Variants in NBAS observed in about 807,000 individuals in gnomAD.
The protein encoded by NBAS is NBAS subunit of NRZ tethering complex.
In NBAS, 219 loss-of-function variants were observed where a neutral mutation model predicts 302.5. The ratio of observed to expected loss-of-function variants is 0.72; its 90% CI spans 0.65 to 0.81. NBAS has a LOEUF of 0.81. Among genes scored for constraint, NBAS ranks in the 30% least tolerant of loss-of-function variants. NBAS has a pLI of 0.00. For missense variants in NBAS, 2,932 were observed against 2,841.6 expected (o/e 1.03, Z -0.72); for synonymous variants, 1,118 against 1,021.6 (o/e 1.09, Z -1.80).
chr2:15,333,806 A>AT (rs1410409776), intron 35 of NBAS, among the ~76,000 whole-genome samples: 1 of 150,898 alleles, frequency 6.6e-6, no homozygotes, highest in Non-Finnish European at 1.5e-5. Context: ...ATAAACTATA[A>AT]TTGTTTGTGA....
chr2:15,377,078 A>G (rs1359197962), intron 30 of NBAS, among the ~76,000 whole-genome samples: 1 of 152,162 alleles, frequency 6.6e-6, no homozygotes, highest in East Asian at 1.9e-4. Flanking sequence ...CCACAATTTT[A>G]AAAAAATTCT....
Position 15,275,676 on chromosome 2 carries a change from G to A in NBAS, c.5532C>T (p.Ser1844=), listed in dbSNP as rs1669543521. The A allele has an allele frequency of 6.2e-7, 1 of 1,614,214 alleles. No individual in the cohort carries two copies. The highest frequency in any genetic ancestry group is 1.1e-5 in the South Asian group (1 of 91,082). ...TCTGTAACCAGATGGTGTACAGAGAGCTTGGGGAAAGCATCTGTCCATCCT... is the reference window on the plus strand; with the variant it reads ...TCTGTAACCAGATGGTGTACAGAGAACTTGGGGAAAGCATCTGTCCATCCT... ...PEKDGQMLSP[S]SLYTIWLQKL... The change falls in exon 44 of 52, where the codon AGC becomes AGT. Residue 1844 remains serine, a synonymous_variant. Transcript: ENST00000281513.
At chr2:15,121,807 T>A in the NBAS span, among the ~76,000 whole-genome samples, 1 of 152,190 alleles carries the variant, frequency 6.6e-6, no homozygotes, top group Admixed American at 6.5e-5. Flanking sequence ...GTTATTAAGT[T>A]CATTAATAGG....
At chr2:15,273,598 GTAA>G (rs1381749701) in intron 44 of NBAS, among the ~76,000 whole-genome samples, 1 of 152,158 alleles carries the variant, frequency 6.6e-6, no homozygotes. Context: ...TAAAACTAGG[GTAA>G]TAATATTATC....
At chr2:15,257,729 A>G (rs965064576) in intron 44 of NBAS, among the ~76,000 whole-genome samples, 2 of 152,184 alleles carry the variant, frequency 1.3e-5, no homozygotes, top group African/African-American at 4.8e-5. Flanking sequence ...GTCTGCTGAT[A>G]AATCATTAAA....
At chr2:15,319,986 C>T (rs758673884) in intron 38 of NBAS, among the ~76,000 whole-genome samples, 36 of 151,994 alleles carry the variant, frequency 2.4e-4, no homozygotes, top group African/African-American at 2.7e-4. Context: ...AACATTGATG[C>T]GAAAGTCCTC....
chr2:15,255,637 G>T (rs538984811), intron 44 of NBAS, among the ~76,000 whole-genome samples: 8 of 152,280 alleles, frequency 5.3e-5, no homozygotes, highest in African/African-American at 1.9e-4. Flanking sequence ...CCAATGTCTA[G>T]AAGAGTTTTT....
chr2:14,973,163 G>A, the NBAS span, among the ~76,000 whole-genome samples: 60 of 152,256 alleles, frequency 3.9e-4, no homozygotes, highest in African/African-American at 1.4e-3. Context: ...GGGGAATTTC[G>A]GAAGCCCCAG....
the NBAS span, among the ~76,000 whole-genome samples, chr2:15,049,896 C>A: frequency 8.5e-5 from 13 of 152,230 alleles, no homozygotes; most frequent in African/African-American, 3.1e-4. Flanking sequence ...AGCTGGAACA[C>A]AGCTTTGTCC....
the NBAS span, among the ~76,000 whole-genome samples, chr2:14,884,400 A>C: frequency 6.6e-6 from 1 of 152,186 alleles, no homozygotes; most frequent in African/African-American, 2.4e-5. Context: ...GACTTTTCAC[A>C]GCACACTCAT....
chr2:15,187,059 T>C (rs903968231), intron 49 of NBAS, among the ~76,000 whole-genome samples, 179 bp from the exon 50 acceptor site: 1 of 152,064 alleles, frequency 6.6e-6, no homozygotes, highest in Non-Finnish European at 1.5e-5. Context: ...CAGCTTCCTG[T>C]GGTATCAGCA....
At chr2:14,952,089 C>T in the NBAS span, among the ~76,000 whole-genome samples, 1 of 152,174 alleles carries the variant, frequency 6.6e-6, no homozygotes, top group South Asian at 2.1e-4. Flanking sequence ...CAGAAAGGAC[C>T]CTGCCTCCCC....
the NBAS span, among the ~76,000 whole-genome samples, chr2:15,078,721 TA>T: frequency 1.3e-5 from 2 of 152,154 alleles, no homozygotes; most frequent in African/African-American, 2.4e-5. Flanking sequence ...CTTGGCACTG[TA>T]AAAAAATTTC....
At chr2:15,453,874 G>A (rs1448638769) in intron 21 of NBAS, among the ~76,000 whole-genome samples, 1 of 151,990 alleles carries the variant, frequency 6.6e-6, no homozygotes, top group African/African-American at 2.4e-5. Context: ...CACCTCCTGG[G>A]GTCAAGCGAT....
chr2:15,294,542 A>G (rs1670459491), intron 40 of NBAS, among the ~76,000 whole-genome samples: 1 of 152,142 alleles, frequency 6.6e-6, no homozygotes, highest in South Asian at 2.1e-4. Flanking sequence ...CCCTCAGGGC[A>G]CCATCCTGAA....
the NBAS span, among the ~76,000 whole-genome samples, chr2:15,041,940 C>A: frequency 6.6e-6 from 1 of 152,148 alleles, no homozygotes; most frequent in Non-Finnish European, 1.5e-5. Context: ...CCCAAGTAGG[C>A]TTTGGAGCAG....
chr2:15,366,512 T>C (rs1302987369), intron 32 of NBAS, 68 bp downstream of exon 32: 8 of 1,411,180 alleles, frequency 5.7e-6, no homozygotes, highest in Admixed American at 3.4e-5. Context: ...TATTCTGCTA[T>C]TGTCCTGCAA....
At chr2:15,094,743 C>T in the NBAS span, among the ~76,000 whole-genome samples, 59 of 152,134 alleles carry the variant, frequency 3.9e-4, 1 homozygote, top group South Asian at 2.1e-4. Context: ...TTCTAAAATG[C>T]TCCCGCCGGC....
intron 51 of NBAS, among the ~76,000 whole-genome samples, chr2:15,177,775 G>A (rs1357875221): frequency 1.3e-5 from 2 of 152,208 alleles, no homozygotes; most frequent in East Asian, 3.9e-4. Context: ...TTTCATTTCA[G>A]CATAGATAGG....
Sources: allele counts gnomAD v4.1 joint callset (sites outside exome capture counted in the v4.1 genomes callset), GRCh38; gene constraint gnomAD v4.1.1; transcripts MANE v1.5; gene names NCBI Gene and HGNC (gene_info 2026-07-23, HGNC 2026-07-21).